The following ASCL5 variants were observed in gnomAD, a reference collection of about 807,000 sequenced individuals.
The protein encoded by ASCL5 is achaete-scute homolog 5.
For synonymous variants in ASCL5, 124 were observed against 131.5 expected, an observed-to-expected ratio of 0.94 and a Z score of 0.39; for missense variants, 262 against 268.9, an observed-to-expected ratio of 0.97 and a Z score of 0.18.
At chr1:201,119,463 T>A (rs956819789) in intron 1 of ASCL5, among the ~76,000 whole-genome samples, 8 of 152,134 alleles carry the variant, frequency 5.3e-5, no homozygotes, top group Non-Finnish European at 1.2e-4. Context: ...GAAATTCGCA[T>A]CCCGACCCCA....
At chr1:201,117,083 G>A (rs1663365021) in intron 1 of ASCL5, among the ~76,000 whole-genome samples, 1 of 152,160 alleles carries the variant, frequency 6.6e-6, no homozygotes, top group Admixed American at 6.5e-5. Context: ...CACACTAAAT[G>A]AGGACCAAGA....
chr1:201,119,266 T>A (rs985807700), intron 1 of ASCL5, among the ~76,000 whole-genome samples: 1 of 151,812 alleles, frequency 6.6e-6, no homozygotes, highest in African/African-American at 2.4e-5. Context: ...CAGACTGGAG[T>A]ATCATCAGAC....
intron 1 of ASCL5, among the ~76,000 whole-genome samples, chr1:201,117,778 A>C (rs527902744): frequency 6.4e-4 from 97 of 152,296 alleles, no homozygotes; most frequent in Non-Finnish European, 7.9e-4. Context: ...CATTCTCTTT[A>C]AGGTTGTGCA....
chr1:201,115,210 G>C lies in ASCL5; in HGVS notation c.163C>G (p.Pro55Ala). ...FLLYPGPAEP[P>A]YYDAYAGVFP... is the part of the protein sequence containing the mutation. ...ACCCCCGCATAGGCGTCGTAGTAGGGCGGCTCTGCTGGGCCCGGGTACAGC... is the reference window on the plus strand; with the variant it reads ...ACCCCCGCATAGGCGTCGTAGTAGGCCGGCTCTGCTGGGCCCGGGTACAGC... Residue 55 changes from proline to alanine, a missense_variant, in exon 2 of 2, where the codon CCC becomes GCC. Transcript: ENST00000449188. The C allele has an allele frequency of 2.4e-6, 3 of 1,231,624 alleles. No individual in the cohort carries two copies. The highest frequency in any genetic ancestry group is 3.0e-6 in the Non-Finnish European group (3 of 987,916). 76.3% of individuals were successfully genotyped at this position (1,231,624 alleles called of 1,614,324 possible). A position where few individuals can be genotyped will look rare whatever the true frequency, so the allele number is the denominator to read the frequency against.
intron 1 of ASCL5, among the ~76,000 whole-genome samples, chr1:201,116,944 G>A (rs1161407961): frequency 6.6e-6 from 1 of 152,164 alleles, no homozygotes; most frequent in Non-Finnish European, 1.5e-5. Context: ...GAGACAGAAA[G>A]GAGCTAGCTC....
At chr1:201,119,503 A>G (rs1663409182) in intron 1 of ASCL5, among the ~76,000 whole-genome samples, 1 of 152,158 alleles carries the variant, frequency 6.6e-6, no homozygotes, top group African/African-American at 2.4e-5. Flanking sequence ...TTCCTGTGAC[A>G]GCTCCCTTTG....
chr1:201,124,997 C>G (rs1663553759), intron 1 of ASCL5, among the ~76,000 whole-genome samples: 1 of 152,188 alleles, frequency 6.6e-6, no homozygotes, highest in South Asian at 2.1e-4. Context: ...ATGCGGTTAC[C>G]TGTATTTTAG....
chr1:201,114,884 C>T lies in ASCL5; in HGVS notation c.489G>A (p.Pro163=). Residue 163 remains proline (P), a synonymous_variant, in exon 2 of 2, where the codon CCG becomes CCA. Transcript: ENST00000449188. ...GLPGTGPCPA[P]PATPRPDRPG... Reference sequence around the variant, plus strand: ...GGCGGTCGGGACGGGGGGTGGCGGGCGGCGCGGGGCAGGGCCCGGTGCCCG... The same window carrying T: ...GGCGGTCGGGACGGGGGGTGGCGGGTGGCGCGGGGCAGGGCCCGGTGCCCG... 8.3e-7 allele frequency: 1 copy of T among 1,198,668 alleles called. No homozygotes were observed. The highest frequency in any genetic ancestry group is 1.0e-6 in the Non-Finnish European group (1 of 963,616). The allele number at this position is 1,198,668 out of a possible 1,614,324, so 74.3% of individuals were successfully genotyped here.
intron 1 of ASCL5, among the ~76,000 whole-genome samples, chr1:201,120,898 A>G (rs1663442404): frequency 6.6e-6 from 1 of 152,136 alleles, no homozygotes; most frequent in Non-Finnish European, 1.5e-5. Flanking sequence ...CAACAGGGAG[A>G]CTGCTTCCAT....
intron 1 of ASCL5, among the ~76,000 whole-genome samples, chr1:201,125,266 G>A (rs1021963754): frequency 2.0e-5 from 3 of 152,196 alleles, no homozygotes; most frequent in African/African-American, 7.2e-5. Context: ...ATCAACAGCT[G>A]TTCACACTCC....
chr1:201,118,145 G>T (rs556282668), intron 1 of ASCL5, among the ~76,000 whole-genome samples: 127 of 152,218 alleles, frequency 8.3e-4, no homozygotes, highest in Non-Finnish European at 1.5e-3. Flanking sequence ...TTCACAGCAG[G>T]ACTATGTATT....
intron 1 of ASCL5, among the ~76,000 whole-genome samples, chr1:201,117,688 A>G (rs1663373922): frequency 6.6e-6 from 1 of 152,136 alleles, no homozygotes; most frequent in Non-Finnish European, 1.5e-5. Context: ...GAGTCCTGCC[A>G]TCCTTGATTC....
At chr1:201,126,322 G>C (rs984206121) in intron 1 of ASCL5, among the ~76,000 whole-genome samples, 5 of 151,998 alleles carry the variant, frequency 3.3e-5, no homozygotes, top group African/African-American at 9.7e-5. Flanking sequence ...ACAGAATCTT[G>C]AACTTCTGGC....
intron 1 of ASCL5, among the ~76,000 whole-genome samples, chr1:201,118,920 G>A (rs567890742): frequency 6.6e-6 from 1 of 152,236 alleles, no homozygotes; most frequent in South Asian, 2.1e-4. Flanking sequence ...CCACTGTTAG[G>A]AATTCATGAA....
At chr1:201,125,771 G>T (rs1284090423) in intron 1 of ASCL5, among the ~76,000 whole-genome samples, 2 of 152,218 alleles carry the variant, frequency 1.3e-5, no homozygotes, top group Non-Finnish European at 2.9e-5. Flanking sequence ...AGCCTGATGT[G>T]GAGGGGTAAT....
At chr1:201,117,651 C>T (rs1558094727) in intron 1 of ASCL5, among the ~76,000 whole-genome samples, 1 of 152,108 alleles carries the variant, frequency 6.6e-6, no homozygotes, top group Non-Finnish European at 1.5e-5. Flanking sequence ...TCCTGGGGGC[C>T]CTCTCTACAT....
intron 1 of ASCL5, among the ~76,000 whole-genome samples, chr1:201,124,941 CCTCT>C (rs1480157015): frequency 6.6e-6 from 1 of 152,182 alleles, no homozygotes; most frequent in Non-Finnish European, 1.5e-5. Flanking sequence ...CTCGCAGCTC[CCTCT>C]GTGTGCAGGC....
rs1432675060 is a variant in ASCL5, at chr1:201,114,731, CG to C, written c.*20del. 2 of 1,230,672 alleles carry C rather than the reference CG, an allele frequency of 1.6e-6. No homozygotes were observed. The highest frequency in any genetic ancestry group is 6.3e-5 in the East Asian group (2 of 31,632). 76.2% of individuals were successfully genotyped at this position (1,230,672 alleles called of 1,614,324 possible). ...GGGGCCGGCGGATCATCCTCCAAGC[CG>C]GGGGCGGCCACAGGCCCGATCAATG... On this transcript the variant is annotated 3_prime_UTR_variant, in exon 2 of 2. Transcript: ENST00000449188.
intron 1 of ASCL5, among the ~76,000 whole-genome samples, chr1:201,118,172 T>C (rs1663382127): frequency 6.6e-6 from 1 of 152,192 alleles, no homozygotes; most frequent in Admixed American, 6.5e-5. Context: ...GCCAATTCTG[T>C]CTTTACTGTT....
Sources: gnomAD v4.1 joint callset for allele counts (sites outside exome capture counted in the v4.1 genomes callset) on GRCh38, gnomAD v4.1.1 for gene constraint, MANE v1.5 for transcripts, NCBI Gene and HGNC (gene_info 2026-07-23, HGNC 2026-07-21) for gene names.